ATXN1: variants seen among roughly 807,000 people sequenced by gnomAD.
The protein encoded by ATXN1 is ataxin-1.
A neutral mutation model predicts 56.4 loss-of-function variants in ATXN1; 8 were observed. The ratio of observed to expected loss-of-function variants is 0.14; its 90% CI spans 0.08 to 0.26. ATXN1 has a LOEUF of 0.26. ATXN1 is among the 10% of genes least tolerant of loss of function. The pLI is 1.00. For missense variants in ATXN1, 987 were observed against 1,106.5 expected (o/e 0.89, Z 1.53); for synonymous variants, 514 against 494.6 (o/e 1.04, Z -0.52).
At chr6:16,408,766 T>C (rs190327503) in intron 6 of ATXN1, among the ~76,000 whole-genome samples, 1 of 152,324 alleles carries the variant, frequency 6.6e-6, no homozygotes, top group Admixed American at 6.5e-5. Flanking sequence ...TTTTTTAGAG[T>C]TGAGGTCTCT....
intron 2 of ATXN1, among the ~76,000 whole-genome samples, chr6:16,672,714 G>A (rs891462262): frequency 6.6e-6 from 1 of 152,156 alleles, no homozygotes; most frequent in African/African-American, 2.4e-5. Context: ...AAATACAATG[G>A]CATCTAGACA....
chr6:16,515,743 T>C (rs1193434360), intron 5 of ATXN1, among the ~76,000 whole-genome samples: 1 of 152,144 alleles, frequency 6.6e-6, no homozygotes, highest in Non-Finnish European at 1.5e-5. Context: ...CCCCTCTTCG[T>C]TGATCTGGAG....
rs371382424 is a variant in ATXN1 at position 16,640,352 on chromosome 6, T to C, written c.-489+17424A>G. Among the ~76,000 whole-genome samples, 14 of 152,272 alleles carry C rather than the reference T, an allele frequency of 9.2e-5. No individual in the cohort carries two copies. In the East Asian group the frequency reaches 2.5e-3, roughly 27 times the overall value. ...TGCTACAAAGACTGGCTGTTCTCTCTCCCTCCTCTCGGGCCTCCTTGTTTC... is the reference window on the plus strand; with the variant it reads ...TGCTACAAAGACTGGCTGTTCTCTCCCCCTCCTCTCGGGCCTCCTTGTTTC... On this transcript the variant is annotated intron_variant, in intron 3 of 7. Transcript: ENST00000436367.
chr6:16,616,275 C>T (rs1581295845), intron 3 of ATXN1, among the ~76,000 whole-genome samples: 1 of 152,014 alleles, frequency 6.6e-6, no homozygotes, highest in African/African-American at 2.4e-5. Context: ...CACAGTGGCT[C>T]ATATCTGTAA....
chr6:16,334,346 A>G (rs1761064118), intron 6 of ATXN1, among the ~76,000 whole-genome samples: 1 of 152,186 alleles, frequency 6.6e-6, no homozygotes, highest in Non-Finnish European at 1.5e-5. Flanking sequence ...GGTTTCAATG[A>G]AAGAGCCCAG....
intron 6 of ATXN1, among the ~76,000 whole-genome samples, chr6:16,347,658 C>G (rs114308848): frequency 0.017 from 2,548 of 152,128 alleles, 69 homozygotes; most frequent in African/African-American, 0.058. Flanking sequence ...TGTCGACACT[C>G]TTTATTTAGC....
At position 16,629,477 on chromosome 6, in the gene ATXN1, G is replaced by A. The variant is rs574465254; in HGVS notation, c.-489+28299C>T. Reference sequence around the variant, plus strand: ...CGCGTAGCTGGGATTACAGGCACTCGCCACCAGCCCAGCTAATTGTTTTTG... The same window carrying A: ...CGCGTAGCTGGGATTACAGGCACTCACCACCAGCCCAGCTAATTGTTTTTG... On this transcript the variant is annotated intron_variant, in intron 3 of 7. Transcript: ENST00000436367. Among the ~76,000 whole-genome samples the A allele has an allele frequency of 1.2e-3, 188 of 152,124 alleles. 1 individual carries two copies. Among genetic ancestry groups the A allele is most frequent in the African/African-American group, 4.2e-3 (174 of 41,516 alleles).
At chr6:16,489,168 G>A (rs2113659780) in intron 5 of ATXN1, among the ~76,000 whole-genome samples, 1 of 152,262 alleles carries the variant, frequency 6.6e-6, no homozygotes, top group South Asian at 2.1e-4. Flanking sequence ...TAAGCTCTCT[G>A]ATGAAAGAAA....
chr6:16,542,170 CTT>C (rs778834718), intron 4 of ATXN1, among the ~76,000 whole-genome samples: 10 of 152,178 alleles, frequency 6.6e-5, no homozygotes, highest in Non-Finnish European at 1.0e-4. Context: ...CTGAGTTGCT[CTT>C]GAGTGCCTAG....
chr6:16,350,632 A>G (rs1245523099), intron 6 of ATXN1, among the ~76,000 whole-genome samples: 3 of 152,210 alleles, frequency 2.0e-5, no homozygotes, highest in African/African-American at 7.2e-5. Context: ...ACTGTGTAGG[A>G]AAGAATTTGG....
intron 6 of ATXN1, among the ~76,000 whole-genome samples, chr6:16,335,981 T>C (rs1324360126): frequency 6.6e-6 from 1 of 152,236 alleles, no homozygotes; most frequent in Non-Finnish European, 1.5e-5. Context: ...AGAATACTTT[T>C]CTGTTGTTTT....
intron 6 of ATXN1, among the ~76,000 whole-genome samples, chr6:16,409,652 CAA>C (rs542201666): frequency 1.3e-4 from 14 of 106,076 alleles, no homozygotes; most frequent in East Asian, 4.9e-4. Context: ...GACTAGGTCT[CAA>C]AAAAAAAAAA....
At chr6:16,362,455 C>T (rs1561867400) in intron 6 of ATXN1, among the ~76,000 whole-genome samples, 1 of 152,182 alleles carries the variant, frequency 6.6e-6, no homozygotes, top group South Asian at 2.1e-4. Context: ...TGTTCCTGGC[C>T]CCCACCCTCC....
intron 5 of ATXN1, among the ~76,000 whole-genome samples, chr6:16,504,199 T>C (rs1760938798): frequency 6.6e-6 from 1 of 152,194 alleles, no homozygotes; most frequent in Admixed American, 6.5e-5. Flanking sequence ...CTGCTCAAAA[T>C]GAATTTCCTG....
intron 2 of ATXN1, among the ~76,000 whole-genome samples, chr6:16,729,110 A>C (rs1360985574): frequency 2.0e-5 from 3 of 152,226 alleles, no homozygotes; most frequent in Non-Finnish European, 4.4e-5. Context: ...GCAACTGAGA[A>C]TGGGTTTTAA....
chr6:16,329,355 T>C (rs1394804666), intron 6 of ATXN1, among the ~76,000 whole-genome samples: 1 of 152,038 alleles, frequency 6.6e-6, no homozygotes, highest in East Asian at 1.9e-4. Context: ...AGATTCCCCT[T>C]AGCTCTGGGT....
intron 2 of ATXN1, among the ~76,000 whole-genome samples, chr6:16,659,536 C>G (rs1282391880): frequency 6.6e-6 from 1 of 152,136 alleles, no homozygotes; most frequent in Non-Finnish European, 1.5e-5. Context: ...GGAAGAGGTC[C>G]TTGACGTTTC....
intron 2 of ATXN1, among the ~76,000 whole-genome samples, chr6:16,700,937 C>T (rs987011614): frequency 2.0e-5 from 3 of 151,488 alleles, no homozygotes; most frequent in African/African-American, 7.3e-5. Flanking sequence ...TTGGTTTTAG[C>T]ACCTTTAAAC....
At chr6:16,649,607 T>A (rs1763860363) in intron 3 of ATXN1, among the ~76,000 whole-genome samples, 1 of 152,256 alleles carries the variant, frequency 6.6e-6, no homozygotes, top group Admixed American at 6.5e-5. Flanking sequence ...TTAGTTTAAA[T>A]GATGTGAGGC....
Sources: allele counts gnomAD v4.1 joint callset (sites outside exome capture counted in the v4.1 genomes callset), GRCh38; gene constraint gnomAD v4.1.1; transcripts MANE v1.5; gene names NCBI Gene and HGNC (gene_info 2026-07-23, HGNC 2026-07-21).